The following CFAP61 variants were observed in gnomAD, a reference collection of about 807,000 sequenced individuals.
CFAP61 encodes the protein cilia and flagella associated protein 61, also known as cilia- and flagella-associated protein 61.
In CFAP61, 107 loss-of-function variants were observed where a neutral mutation model predicts 135.6. The ratio of observed to expected loss-of-function variants is 0.79; its 90% CI spans 0.67 to 0.93. The LOEUF is 0.93. Among genes scored for constraint, CFAP61 ranks in the 40% least tolerant of loss-of-function variants. The pLI is 0.00. For synonymous variants in CFAP61, 575 were observed against 578.5 expected (o/e 0.99, Z 0.09); for missense variants, 1,507 against 1,556.2 (o/e 0.97, Z 0.53).
chr20:20,286,210 C>G (rs1472161516), intron 22 of CFAP61, among the ~76,000 whole-genome samples: 3 of 152,182 alleles, frequency 2.0e-5, no homozygotes, highest in Non-Finnish European at 4.4e-5. Context: ...GCAGAACTCT[C>G]TTGAAATTGA....
At chr20:20,262,363 C>A (rs2147009974) in intron 20 of CFAP61, among the ~76,000 whole-genome samples, 1 of 152,318 alleles carries the variant, frequency 6.6e-6, no homozygotes, top group Non-Finnish European at 1.5e-5. Flanking sequence ...AACCCAGCCA[C>A]CACGTTATGA....
At chr20:20,243,282 C>T (rs1318685263) in intron 18 of CFAP61, among the ~76,000 whole-genome samples, 2 of 152,254 alleles carry the variant, frequency 1.3e-5, no homozygotes, top group East Asian at 1.9e-4. Flanking sequence ...CCCAACAGGT[C>T]CCTCCCACAA....
chr20:20,169,276 AT>A (rs745886634), intron 12 of CFAP61, 44 bp from the exon 13 acceptor site: 27 of 1,543,558 alleles, frequency 1.7e-5, no homozygotes, highest in Middle Eastern at 1.7e-4. Context: ...TTTTTGATTA[AT>A]TTTTTTTATT....
chr20:20,250,670 A>G (rs150797507), intron 19 of CFAP61, among the ~76,000 whole-genome samples: 17 of 152,366 alleles, frequency 1.1e-4, no homozygotes, highest in African/African-American at 3.8e-4. Context: ...CATACAGCCT[A>G]AATTAAAAGA....
chr20:20,164,240 C>A lies in CFAP61; in HGVS notation c.1205+12C>A. 2 of 1,596,258 alleles carry A rather than the reference C, an allele frequency of 1.3e-6. No individual in the cohort carries two copies. ...AAATATGAAGCAAGGCAAGTACTGACCTTCTGGCTGGCTGTCACAGTGAGA... is the reference window on the plus strand; with the variant it reads ...AAATATGAAGCAAGGCAAGTACTGAACTTCTGGCTGGCTGTCACAGTGAGA... On this transcript the variant is annotated intron_variant, in intron 11 of 26. Transcript: ENST00000245957.
intron 25 of CFAP61, among the ~76,000 whole-genome samples, chr20:20,325,955 C>T (rs1022522720): frequency 6.6e-6 from 1 of 152,126 alleles, no homozygotes; most frequent in Non-Finnish European, 1.5e-5. Flanking sequence ...ACCATATTGA[C>T]CATTTTGGGA....
At chr20:20,358,377 T>G (rs187454638) in intron 26 of CFAP61, among the ~76,000 whole-genome samples, 1 of 152,326 alleles carries the variant, frequency 6.6e-6, no homozygotes, top group East Asian at 1.9e-4. Flanking sequence ...AATATTTGCC[T>G]GAAATAAACT....
intron 2 of CFAP61, among the ~76,000 whole-genome samples, chr20:20,066,566 CTA>C (rs2045284688): frequency 6.6e-6 from 1 of 152,232 alleles, no homozygotes; most frequent in South Asian, 2.1e-4. Flanking sequence ...TCTCAGCAAA[CTA>C]TCACAAGAAC....
intron 9 of CFAP61, among the ~76,000 whole-genome samples, chr20:20,158,397 C>A (rs915936752): frequency 4.4e-5 from 6 of 136,456 alleles, no homozygotes; most frequent in Non-Finnish European, 7.8e-5. Context: ...TAAGACATCA[C>A]ATGAAATGAC....
At chr20:20,354,994 G>GTC (rs2059015976) in intron 26 of CFAP61, among the ~76,000 whole-genome samples, 1 of 146,310 alleles carries the variant, frequency 6.8e-6, no homozygotes, top group African/African-American at 2.6e-5. Flanking sequence ...TGGTCACACT[G>GTC]AGGGGAGATG....
In CFAP61 at chr20:20,126,790, G is replaced by T. The variant is rs140081899; in HGVS notation, c.860-16067G>T. Among the ~76,000 whole-genome samples the T allele has an allele frequency of 5.5e-3, 835 of 151,912 alleles. 36 individuals carry two copies. Among genetic ancestry groups the T allele is most frequent in the African/African-American group, 0.019 (794 of 41,218 alleles). ...TAGCAAGGCTGGGGAAGTTTTCCTC[G>T]ATTTTTCCCCCAAATATGTTTTCCA... On this transcript the variant is annotated intron_variant, in intron 8 of 26. Coordinates refer to ENST00000245957, the MANE Select transcript of CFAP61 (RefSeq NM_015585.4).
chr20:20,227,494 C>G (rs1316954460), intron 17 of CFAP61, among the ~76,000 whole-genome samples: 1 of 152,222 alleles, frequency 6.6e-6, no homozygotes, highest in Admixed American at 6.5e-5. Context: ...TACTCTATCA[C>G]TTCTTTGTAA....
At chr20:20,065,631 G>T (rs1039348679) in intron 2 of CFAP61, among the ~76,000 whole-genome samples, 1 of 96,386 alleles carries the variant, frequency 1.0e-5, no homozygotes. Flanking sequence ...AAAAAAAAAA[G>T]GTGGTTCTTT....
chr20:20,299,762 A>C (rs921520015), intron 25 of CFAP61, among the ~76,000 whole-genome samples: 1 of 152,168 alleles, frequency 6.6e-6, no homozygotes, highest in Admixed American at 6.5e-5. Flanking sequence ...TCCATCATAT[A>C]ATGGTCATGA....
At chr20:20,355,104 T>TGGTCACACTGTGG (rs2059031806) in intron 26 of CFAP61, among the ~76,000 whole-genome samples, 18 of 39,192 alleles carry the variant, frequency 4.6e-4, no homozygotes, top group Non-Finnish European at 7.6e-4. Flanking sequence ...TCACACTGTG[T>TGGTCACACTGTGG]GAGGGGAGGT....
chr20:20,099,697 A>T (rs1216735872), intron 8 of CFAP61, among the ~76,000 whole-genome samples: 1 of 152,160 alleles, frequency 6.6e-6, no homozygotes, highest in African/African-American at 2.4e-5. Context: ...TCGGCCTTCC[A>T]CCAACTTGAA....
At chr20:20,201,049 C>A in intron 17 of CFAP61, 1 of 749,680 alleles carries the variant, frequency 1.3e-6, no homozygotes, top group Non-Finnish European at 1.6e-6. Flanking sequence ...ACTTCTCAAT[C>A]TATCTGTCCT....
At chr20:20,297,494 A>C (rs1281167370) in intron 24 of CFAP61, among the ~76,000 whole-genome samples, 1 of 152,180 alleles carries the variant, frequency 6.6e-6, no homozygotes, top group African/African-American at 2.4e-5. Context: ...AAATAGAAGA[A>C]GTCACTGTGG....
intron 14 of CFAP61, among the ~76,000 whole-genome samples, chr20:20,190,447 G>A (rs1488210997): frequency 1.3e-5 from 2 of 152,194 alleles, no homozygotes. Context: ...TGATGCCAGA[G>A]GTTAAGGATG....
Sources: allele counts gnomAD v4.1 joint callset (sites outside exome capture counted in the v4.1 genomes callset), GRCh38; gene constraint gnomAD v4.1.1; transcripts MANE v1.5; gene names NCBI Gene and HGNC (gene_info 2026-07-23, HGNC 2026-07-21).